NFATC1: variants seen among roughly 807,000 people sequenced by gnomAD.
The protein encoded by NFATC1 is nuclear factor of activated T-cells, cytoplasmic 1.
In NFATC1, 22 loss-of-function variants were observed where a neutral mutation model predicts 76.0. That is an observed-to-expected ratio of 0.29 (90% CI 0.21 to 0.41). The LOEUF (loss-of-function observed/expected upper bound fraction) is 0.41, where lower values mean the gene tolerates loss of function less well. Ranked by LOEUF, NFATC1 falls within the 10% of genes least tolerant of loss-of-function variation. The pLI is 1.00. For missense variants in NFATC1, 1,357 were observed against 1,337.7 expected (o/e 1.01, Z -0.23); for synonymous variants, 704 against 613.1 (o/e 1.15, Z -2.19).
chr18:79,512,374 G>A (rs961899874), intron 9 of NFATC1, among the ~76,000 whole-genome samples: 2 of 152,176 alleles, frequency 1.3e-5, no homozygotes, highest in African/African-American at 4.8e-5. Context: ...CTAAGGCTTA[G>A]GGATTTTATG....
intron 9 of NFATC1, among the ~76,000 whole-genome samples, chr18:79,509,700 T>A (rs187288870): frequency 1.3e-5 from 2 of 152,346 alleles, no homozygotes; most frequent in African/African-American, 2.4e-5. Context: ...GCCGGCACAG[T>A]CTGAGCTGAA....
chr18:79,486,226 A>AT lies in NFATC1; in HGVS notation c.2093-12dup, dbSNP rs371231302. On this transcript the variant is annotated intron_variant, in intron 8 of 9. Transcript: ENST00000427363. ...CTCATTCGCAACTTGTGTTTATTTA[A>AT]TTTTTTTTTTCCTTCTCACAGTTCC... 6,322 of 1,493,718 alleles carry AT rather than the reference A, an allele frequency of 4.2e-3. 59 individuals carry two copies. In the African/African-American group the frequency reaches 0.046, roughly 11 times the overall value. 92.5% of individuals were successfully genotyped at this position (1,493,718 alleles called of 1,614,324 possible).
chr18:79,397,209 G>A (rs563734754), intron 1 of NFATC1, among the ~76,000 whole-genome samples: 3 of 152,350 alleles, frequency 2.0e-5, no homozygotes, highest in African/African-American at 2.4e-5. Context: ...CCTTGCAGAG[G>A]TGTGAGCATA....
intron 6 of NFATC1, among the ~76,000 whole-genome samples, chr18:79,456,263 G>A (rs929603875): frequency 3.5e-4 from 53 of 152,232 alleles, no homozygotes; most frequent in African/African-American, 1.1e-3. Flanking sequence ...CATTCACCGC[G>A]GCGAGTGTGG....
At chr18:79,503,957 T>C (rs1245350935) in intron 9 of NFATC1, among the ~76,000 whole-genome samples, 1 of 152,232 alleles carries the variant, frequency 6.6e-6, no homozygotes, top group African/African-American at 2.4e-5. Flanking sequence ...AACTTTTTTT[T>C]CTGCAGCTTC....
At position 79,524,162 on chromosome 18, in the gene NFATC1, A is replaced by AG. The variant is rs2090686834; in HGVS notation, c.2783-3365dup. On this transcript the variant is annotated intron_variant, in intron 9 of 9. Coordinates refer to ENST00000427363, the MANE Select transcript of NFATC1 (RefSeq NM_001278669.2). The surrounding 1 kb of genome is among the most constrained non-coding windows in gnomAD (Gnocchi z 7.2). ...GTCAGAAGTGCTCGTGGCGGGAAGG[A>AG]GTTGGGGGGTGGGGGGGCGGTCCTG... 2.2e-5 allele frequency: 2 copies of AG among 92,670 alleles called. No homozygotes were observed. The highest frequency in any genetic ancestry group is 3.9e-5 in the African/African-American group (1 of 25,498). 5.7% of individuals were successfully genotyped at this position (92,670 alleles called of 1,614,324 possible).
intron 2 of NFATC1, among the ~76,000 whole-genome samples, chr18:79,429,660 G>A (rs1447923795): frequency 1.3e-5 from 2 of 152,162 alleles, no homozygotes; most frequent in Non-Finnish European, 2.9e-5. Context: ...CCGCTCATTT[G>A]GGCTCTTTTG....
chr18:79,406,633 T>C (rs2085447971), intron 1 of NFATC1, among the ~76,000 whole-genome samples: 1 of 152,092 alleles, frequency 6.6e-6, no homozygotes, highest in Non-Finnish European at 1.5e-5. Flanking sequence ...GTGTATGTAA[T>C]GTGGCGTTTT....
intron 8 of NFATC1, among the ~76,000 whole-genome samples, chr18:79,478,072 T>A (rs1600863022): frequency 8.0e-6 from 1 of 124,924 alleles, no homozygotes. Flanking sequence ...GCCTGCCCCC[T>A]GCCCCCCTGC....
chr18:79,521,194 G>GA (rs2145217712), intron 9 of NFATC1, among the ~76,000 whole-genome samples: 2 of 90,804 alleles, frequency 2.2e-5, no homozygotes, highest in Admixed American at 1.3e-4. Context: ...TGTGTGTGGG[G>GA]GCATCAGCTG....
intron 9 of NFATC1, among the ~76,000 whole-genome samples, chr18:79,513,980 T>C (rs1311623356): frequency 6.6e-6 from 1 of 152,162 alleles, no homozygotes; most frequent in Admixed American, 6.5e-5. Flanking sequence ...TGCTTCAGGC[T>C]CCTGTGAAGG....
At chr18:79,443,932 A>C (rs1250700404) in intron 3 of NFATC1, among the ~76,000 whole-genome samples, 3 of 152,172 alleles carry the variant, frequency 2.0e-5, no homozygotes, top group African/African-American at 7.2e-5. Flanking sequence ...TGATGCCAAC[A>C]GTGCCAGGTT....
At chr18:79,508,058 TA>T (rs2090158016) in intron 9 of NFATC1, among the ~76,000 whole-genome samples, 1 of 152,256 alleles carries the variant, frequency 6.6e-6, no homozygotes, top group Non-Finnish European at 1.5e-5. Flanking sequence ...TAAAACAAAT[TA>T]AACTCTTGTT....
At position 79,527,213 on chromosome 18, in the gene NFATC1, C is replaced by A. The variant is rs564446727; in HGVS notation, c.2783-315C>A. On this transcript the variant is annotated intron_variant, in intron 9 of 9. Transcript: ENST00000427363. ...GTGTGGACCTGTGGGTCGCTTGGTT[C>A]GTGGAGAGACAGCCACAGCATCTTC... The A allele has an allele frequency of 1.7e-5, 5 of 298,142 alleles. No individual in the cohort carries two copies. The East Asian group carries it at 3.4e-4, about 20-fold the overall frequency. The allele number at this position is 298,142 out of a possible 1,614,324, so 18.5% of individuals were successfully genotyped here.
chr18:79,406,427 GCC>G (rs1197753612), intron 1 of NFATC1, among the ~76,000 whole-genome samples: 1 of 152,090 alleles, frequency 6.6e-6, no homozygotes, highest in Non-Finnish European at 1.5e-5. Flanking sequence ...GGGAGGCTGG[GCC>G]CCCGTGATCG....
chr18:79,480,712 A>G (rs1225000966), intron 8 of NFATC1, among the ~76,000 whole-genome samples: 1 of 152,206 alleles, frequency 6.6e-6, no homozygotes, highest in Non-Finnish European at 1.5e-5. Context: ...GCTCTCGGGC[A>G]TAGCCGGCCT....
In NFATC1 at chr18:79,396,022, G is replaced by A; in HGVS notation, c.-203G>A. 1 of 423,810 alleles carries A rather than the reference G, an allele frequency of 2.4e-6. No homozygotes were observed. Among genetic ancestry groups the A allele is most frequent in the Non-Finnish European group, 3.4e-6 (1 of 291,924 alleles). 26.3% of individuals were successfully genotyped at this position (423,810 alleles called of 1,614,324 possible). ...GGCGCGGGCACCGGGGCGCGGGCAG[G>A]GCTCGGAGCCACCGCGCAGGTCCTA... On this transcript the variant is annotated 5_prime_UTR_variant, in exon 1 of 10. Coordinates refer to ENST00000427363, the MANE Select transcript of NFATC1 (RefSeq NM_001278669.2).
chr18:79,400,384 G>A (rs1328547320), intron 1 of NFATC1: 1 of 987,480 alleles, frequency 1.0e-6, no homozygotes, highest in South Asian at 1.6e-5. Flanking sequence ...GCCCCGGCCC[G>A]ACCCGCCATG....
intron 8 of NFATC1, among the ~76,000 whole-genome samples, chr18:79,471,108 C>T (rs1222867533): frequency 1.3e-5 from 2 of 152,168 alleles, no homozygotes; most frequent in African/African-American, 2.4e-5. Context: ...GCTTCCTGAG[C>T]GGCTTGTCTG....
Sources: gnomAD v4.1 joint callset for allele counts (sites outside exome capture counted in the v4.1 genomes callset) on GRCh38, gnomAD v4.1.1 for gene constraint, Gnocchi (gnomAD v3.1) non-coding constraint, MANE v1.5 for transcripts, NCBI Gene and HGNC (gene_info 2026-07-23, HGNC 2026-07-21) for gene names.